CDH19: variants seen among roughly 807,000 people sequenced by gnomAD.
CDH19 encodes cadherin-19.
CDH19 carries 67 observed loss-of-function variants against 64.2 expected under a neutral mutation model. The ratio of observed to expected loss-of-function variants is 1.04; its 90% CI spans 0.86 to 1.28. The LOEUF is 1.28. Among genes scored for constraint, CDH19 ranks in the 50% most tolerant of loss-of-function variants. The probability of loss-of-function intolerance (pLI) is 0.00; values close to 1 mark genes in which losing one functional copy is unlikely to be tolerated. For synonymous variants in CDH19, 346 were observed against 319.3 expected (o/e 1.08, Z -0.89); for missense variants, 1,030 against 929.0 (o/e 1.11, Z -1.41).
At position 66,544,870 on chromosome 18, in the gene CDH19, G is replaced by T. The variant is rs1482488358; in HGVS notation, c.809C>A (p.Pro270His). ...LYRLTVSESA[P>H]TGTSIGTIMA... The stretch of plus-strand genomic sequence containing the variant: ...GATTGTTCCTATAGAAGTCCCAGTG[G>T]GTGCAGATTCAGAGACAGTCAAGCG... The change falls in exon 6 of 12, where the codon CCC (proline) becomes CAC (histidine). Residue 270 changes from proline (P) to histidine (H), a missense_variant. By Grantham distance (77) the Pro-to-His change is moderately conservative. Coordinates refer to ENST00000262150, the MANE Select transcript of CDH19 (RefSeq NM_021153.4). 1.2e-6 allele frequency: 2 copies of T among 1,609,714 alleles called. No homozygotes were observed. The highest frequency in any genetic ancestry group is 3.4e-5 in the Admixed American group (2 of 59,436).
At chr18:66,533,682 G>T (rs1412083639) in intron 8 of CDH19, among the ~76,000 whole-genome samples, 1 of 151,926 alleles carries the variant, frequency 6.6e-6, no homozygotes, top group Non-Finnish European at 1.5e-5. Context: ...CTTAATTTGG[G>T]AAGCTTTCCA....
Position 66,508,982 on chromosome 18 carries a change from G to T in CDH19, c.1828+13C>A. ...TAATGCAAATGAGAATAGCAATGATGACTTCTACCTACCAAATATGATCAT... is the reference window on the plus strand; with the variant it reads ...TAATGCAAATGAGAATAGCAATGATTACTTCTACCTACCAAATATGATCAT... On this transcript the variant is annotated intron_variant, in intron 11 of 11. Transcript: ENST00000262150. 6.3e-7 allele frequency: 1 copy of T among 1,599,686 alleles called. No individual in the cohort carries two copies. The highest frequency in any genetic ancestry group is 8.6e-7 in the Non-Finnish European group (1 of 1,168,266).
intron 6 of CDH19, 49 bp from the exon 7 acceptor site, chr18:66,544,273 GATACT>G (rs1280613631): frequency 6.5e-7 from 1 of 1,543,704 alleles, no homozygotes; most frequent in East Asian, 2.3e-5. Flanking sequence ...AGTAACCCAA[GATACT>G]ATTTAGAAAA....
chr18:66,550,289 C>T (rs761785535), intron 5 of CDH19, among the ~76,000 whole-genome samples: 2 of 152,030 alleles, frequency 1.3e-5, no homozygotes, highest in African/African-American at 2.4e-5. Context: ...GTTTAGCTTG[C>T]AGTAATTGCT....
chr18:66,510,668 A>C (rs1378584730), intron 10 of CDH19, among the ~76,000 whole-genome samples: 6 of 150,318 alleles, frequency 4.0e-5, no homozygotes, highest in Non-Finnish European at 7.4e-5. Flanking sequence ...TACATGGCTA[A>C]ATTTTGTGGA....
intron 7 of CDH19, among the ~76,000 whole-genome samples, chr18:66,540,635 C>G (rs780506810): frequency 1.3e-5 from 2 of 152,086 alleles, no homozygotes; most frequent in Non-Finnish European, 2.9e-5. Context: ...AGAGAGCTAT[C>G]TGGGTTCCAC....
intron 3 of CDH19, 132 bp downstream of exon 3, chr18:66,568,283 AT>A: frequency 1.5e-6 from 1 of 647,292 alleles, no homozygotes; most frequent in Non-Finnish European, 2.5e-6. Context: ...TTTTTCAAAT[AT>A]TTTACTTAAA....
chr18:66,558,579 T>C (rs914216192), intron 3 of CDH19, among the ~76,000 whole-genome samples: 3 of 151,964 alleles, frequency 2.0e-5, no homozygotes, highest in African/African-American at 7.2e-5. Context: ...CAGACAGCAA[T>C]ACAAAAATAT....
Position 66,575,693 on chromosome 18 carries a change from C to T in CDH19, c.-112-3377G>A, listed in dbSNP as rs144591064. ...TCAGCACACAAGGGGAACTACAATA[C>T]GATACATGATTAAATGAGTCCTTCA... On this transcript the variant is annotated intron_variant, in intron 1 of 11. Coordinates refer to ENST00000262150, the MANE Select transcript of CDH19 (RefSeq NM_021153.4). 1.3e-4 allele frequency among the ~76,000 whole-genome samples: 20 copies of T among 151,750 alleles called. No individual in the cohort carries two copies. In the East Asian group the frequency reaches 2.7e-3, roughly 21 times the overall value.
chr18:66,525,486 GTTTGGT>G (rs963110218), intron 9 of CDH19, among the ~76,000 whole-genome samples: 15 of 152,098 alleles, frequency 9.9e-5, no homozygotes, highest in African/African-American at 2.4e-4. Context: ...AATGTTAGGT[GTTTGGT>G]TTTAATTGTA....
intron 1 of CDH19, among the ~76,000 whole-genome samples, chr18:66,573,424 G>A (rs1350843384): frequency 6.6e-5 from 10 of 151,470 alleles, no homozygotes; most frequent in African/African-American, 2.2e-4. Flanking sequence ...CTGTGGTCCC[G>A]GTATACTCCC....
At chr18:66,533,421 G>A (rs73537793) in intron 8 of CDH19, among the ~76,000 whole-genome samples, 2,615 of 152,036 alleles carry the variant, frequency 0.017, 64 homozygotes, top group African/African-American at 0.058. Context: ...TGGTTTCAGC[G>A]CATACATCAT....
intron 1 of CDH19, among the ~76,000 whole-genome samples, chr18:66,576,962 A>G (rs1988284069): frequency 6.6e-6 from 1 of 151,666 alleles, no homozygotes; most frequent in Non-Finnish European, 1.5e-5. Flanking sequence ...AGTACATTTT[A>G]TAATAATATA....
chr18:66,541,040 A>AT, intron 7 of CDH19, among the ~76,000 whole-genome samples: 1 of 152,004 alleles, frequency 6.6e-6, no homozygotes, highest in African/African-American at 2.4e-5. Flanking sequence ...TCTGTGCCCC[A>AT]TTTTTTAAAA....
chr18:66,593,542 C>A (rs191939806), intron 1 of CDH19, among the ~76,000 whole-genome samples: 1 of 151,854 alleles, frequency 6.6e-6, no homozygotes, highest in Admixed American at 6.6e-5. Context: ...TCGAAAAAAC[C>A]TCAGGGTATC....
chr18:66,588,042 A>G (rs1988627432), intron 1 of CDH19, among the ~76,000 whole-genome samples: 1 of 152,198 alleles, frequency 6.6e-6, no homozygotes, highest in Admixed American at 6.5e-5. Context: ...ATTGATGAGA[A>G]AAAAGTTGAT....
intron 1 of CDH19, among the ~76,000 whole-genome samples, chr18:66,599,390 T>C (rs987719249): frequency 6.6e-6 from 1 of 152,056 alleles, no homozygotes; most frequent in Non-Finnish European, 1.5e-5. Context: ...GACTGGTATT[T>C]ACAGAGGCTG....
At chr18:66,515,281 T>C (rs777741169) in intron 9 of CDH19, among the ~76,000 whole-genome samples, 1 of 151,730 alleles carries the variant, frequency 6.6e-6, no homozygotes, top group Admixed American at 6.6e-5. Context: ...GCCAAGAAAT[T>C]ATTATACAAA....
At chr18:66,593,176 A>G (rs1440519409) in intron 1 of CDH19, among the ~76,000 whole-genome samples, 2 of 151,830 alleles carry the variant, frequency 1.3e-5, no homozygotes, top group Non-Finnish European at 2.9e-5. Flanking sequence ...TTTTCCATAT[A>G]CTTATTGGCC....
Sources: gnomAD v4.1 joint callset for allele counts (sites outside exome capture counted in the v4.1 genomes callset) on GRCh38, gnomAD v4.1.1 for gene constraint, MANE v1.5 for transcripts, NCBI Gene and HGNC (gene_info 2026-07-23, HGNC 2026-07-21) for gene names.